CRTC3: variants seen among roughly 807,000 people sequenced by gnomAD.
The protein encoded by CRTC3 is CREB regulated transcription coactivator 3, also known as CREB-regulated transcription coactivator 3.
In CRTC3, 26 loss-of-function variants were observed where a neutral mutation model predicts 74.5. The observed-to-expected ratio is 0.35, with a 90% CI of 0.26 to 0.48. CRTC3 has a LOEUF of 0.48. CRTC3 is among the 20% of genes least tolerant of loss of function. The pLI, the probability that CRTC3 is intolerant of heterozygous loss-of-function variation, is 0.99. For synonymous variants in CRTC3, 377 were observed against 325.8 expected (o/e 1.16, Z -1.69); for missense variants, 760 against 787.3 (o/e 0.97, Z 0.41).
chr15:90,560,284 G>A (rs1050641110), intron 2 of CRTC3, among the ~76,000 whole-genome samples: 7 of 152,162 alleles, frequency 4.6e-5, no homozygotes, highest in Admixed American at 3.3e-4. Flanking sequence ...TCCAGTTTAC[G>A]TCACTGATGA....
At chr15:90,619,854 G>C in intron 9 of CRTC3, 64 bp downstream of exon 9, 1 of 1,372,548 alleles carries the variant, frequency 7.3e-7, no homozygotes, top group East Asian at 2.3e-5. Flanking sequence ...CAAAAGTCTC[G>C]CTGCTTTGTT....
chr15:90,590,485 C>G (rs1255615175), intron 2 of CRTC3, among the ~76,000 whole-genome samples: 1 of 151,904 alleles, frequency 6.6e-6, no homozygotes, highest in Non-Finnish European at 1.5e-5. Flanking sequence ...ACTGCAACCT[C>G]TGCCACCTGA....
chr15:90,589,130 C>A (rs1967738272), intron 2 of CRTC3, among the ~76,000 whole-genome samples: 1 of 151,908 alleles, frequency 6.6e-6, no homozygotes, highest in Admixed American at 6.6e-5. Flanking sequence ...GATCTCAGCT[C>A]ACTGCAACCT....
chr15:90,536,805 G>A (rs1414880886), intron 1 of CRTC3, among the ~76,000 whole-genome samples: 1 of 152,220 alleles, frequency 6.6e-6, no homozygotes, highest in Admixed American at 6.5e-5. Flanking sequence ...CATCGTGAAG[G>A]GATAATAGGG....
Position 90,590,147 on chromosome 15 carries a change from G to C in CRTC3, c.232-3489G>C, listed in dbSNP as rs145389500. 7.6e-3 allele frequency among the ~76,000 whole-genome samples: 1,156 copies of C among 151,800 alleles called. 42 individuals are homozygous for C. The East Asian group carries it at 0.11, about 15-fold the overall frequency. On this transcript the variant is annotated intron_variant, in intron 2 of 14. Transcript: ENST00000268184. ...CTCTACTAAAAATACAAAAAAATTA[G>C]CCGGGAGTGGTGGCATGTTCCTGTA...
rs1968948780 is a variant in CRTC3, at chr15:90,629,267, A to C, written c.1001A>C (p.Gln334Pro). 6.2e-7 allele frequency: 1 copy of C among 1,614,046 alleles called. No individual in the cohort carries two copies. The highest frequency in any genetic ancestry group is 8.5e-7 in the Non-Finnish European group (1 of 1,180,016). ...LQSSRSNPSI[Q>P]ATLNKTVLSS... ...AGTTCTCGGAGTAACCCCTCCATCC[A>C]AGCCACGCTCAATAAGACTGTGCTT... Residue 334 changes from glutamine (Q) to proline (P), a missense_variant, in exon 11 of 15, where the codon CAA becomes CCA. By Grantham distance (76) the Gln-to-Pro change is moderately conservative (BLOSUM62 -1). Around this residue, in one of 2 missense-constraint regions of CRTC3, gnomAD observed 652 missense variants for 635.2 expected, o/e 1.03. Coordinates refer to ENST00000268184, the MANE Select transcript of CRTC3 (RefSeq NM_022769.5).
rs988964162 is a variant in CRTC3 at position 90,607,353 on chromosome 15, C to T, written c.477-25C>T. The T allele has an allele frequency of 4.2e-6, 6 of 1,429,624 alleles. No individual in the cohort carries two copies. In the African/African-American group the frequency reaches 4.3e-5, roughly 10 times the overall value. The allele number at this position is 1,429,624 out of a possible 1,614,324, so 88.6% of individuals were successfully genotyped here. A position where few individuals can be genotyped will look rare whatever the true frequency, so the allele number is the denominator to read the frequency against. ...TTCACTAAGGAAAACGGATTTTCAG[C>T]CAGCCTCTCTCCTCCCCTCCTTAGG... On this transcript the variant is annotated intron_variant, in intron 5 of 14. Transcript: ENST00000268184.
intron 13 of CRTC3, 193 bp from the exon 14 acceptor site, chr15:90,640,904 C>T (rs367936220): frequency 9.7e-5 from 56 of 579,500 alleles, no homozygotes; most frequent in African/African-American, 5.6e-4. Flanking sequence ...CCCTCCTCCA[C>T]CCCAGCGTCT....
intron 2 of CRTC3, among the ~76,000 whole-genome samples, chr15:90,562,244 GAGA>G (rs1361923869): frequency 2.0e-5 from 3 of 152,190 alleles, no homozygotes; most frequent in Admixed American, 6.5e-5. Context: ...GAGTGGTGAG[GAGA>G]AGAACACGAA....
rs549489513 is a variant in CRTC3 at position 90,546,181 on chromosome 15, C to T, written c.231+6044C>T. ...TTCTCTATTAGTTTTATAGCTCTGT[C>T]TTTTACACTTAAGTAAATTATGAGT... On this transcript the variant is annotated intron_variant, in intron 2 of 14. Coordinates refer to ENST00000268184, the MANE Select transcript of CRTC3 (RefSeq NM_022769.5). Among the ~76,000 whole-genome samples, 6 of 152,096 alleles carry T rather than the reference C, an allele frequency of 3.9e-5. No individual in the cohort carries two copies. In the South Asian group the frequency reaches 1.0e-3, roughly 26 times the overall value.
chr15:90,593,021 C>T (rs1016994358), intron 2 of CRTC3, among the ~76,000 whole-genome samples: 1 of 151,968 alleles, frequency 6.6e-6, no homozygotes. Flanking sequence ...GGCGTGGTGG[C>T]GCACATCTGT....
chr15:90,641,997 C>G lies in CRTC3; in HGVS notation c.1717C>G (p.Leu573Val). The G allele has an allele frequency of 6.2e-7, 1 of 1,613,904 alleles. No individual in the cohort carries two copies. The highest frequency in any genetic ancestry group is 8.5e-7 in the Non-Finnish European group (1 of 1,179,990). ...SALAGLPEVS[L>V]NVDTPFPLEE... ...GCTGGCAGGCCTGCCTGAGGTCAGC[C>G]TGAACGTGGACACTCCATTTCCACT... The change falls in exon 15 of 15, where the codon CTG (leucine) becomes GTG (valine). Residue 573 changes from leucine to valine, a missense_variant. Around this residue, in one of 2 missense-constraint regions of CRTC3, gnomAD observed 652 missense variants for 635.2 expected, o/e 1.03. Coordinates refer to ENST00000268184, the MANE Select transcript of CRTC3 (RefSeq NM_022769.5).
intron 2 of CRTC3, among the ~76,000 whole-genome samples, chr15:90,566,870 C>G (rs1274712783): frequency 2.6e-5 from 4 of 151,960 alleles, no homozygotes; most frequent in African/African-American, 9.7e-5. Flanking sequence ...GCCACCACAC[C>G]TGGCTAATTT....
In CRTC3 at chr15:90,638,851, C is replaced by T. The variant is rs762024861; in HGVS notation, c.1548+36C>T. On this transcript the variant is annotated intron_variant, in intron 13 of 14. Transcript: ENST00000268184. ...GCCCCTGCCTTCTCCTCCCTTGGTG[C>T]ATAAACTGTACCATTTAGGTTGTTC... 4.6e-6 allele frequency: 7 copies of T among 1,521,796 alleles called. No individual in the cohort carries two copies. In the South Asian group the frequency reaches 5.6e-5, roughly 12 times the overall value. The allele number at this position is 1,521,796 out of a possible 1,614,324, so 94.3% of individuals were successfully genotyped here. A position where few individuals can be genotyped will look rare whatever the true frequency, so the allele number is the denominator to read the frequency against.
intron 1 of CRTC3, among the ~76,000 whole-genome samples, chr15:90,539,335 A>G (rs1048956243): frequency 6.6e-6 from 1 of 152,198 alleles, no homozygotes; most frequent in Non-Finnish European, 1.5e-5. Flanking sequence ...TTTTATACCT[A>G]TTGAATTGAC....
At chr15:90,632,745 C>CA (rs1355137273) in intron 11 of CRTC3, among the ~76,000 whole-genome samples, 1 of 152,210 alleles carries the variant, frequency 6.6e-6, no homozygotes, top group Non-Finnish European at 1.5e-5. Flanking sequence ...GCTGGGACTA[C>CA]AGGCATGTGC....
chr15:90,555,968 A>T (rs1241118934), intron 2 of CRTC3, among the ~76,000 whole-genome samples: 1 of 152,340 alleles, frequency 6.6e-6, no homozygotes. Context: ...AAACATTAAA[A>T]AGGAACAGAA....
intron 11 of CRTC3, chr15:90,638,057 G>A (rs1356589625): frequency 5.1e-6 from 1 of 195,252 alleles, no homozygotes; most frequent in East Asian, 1.4e-4. Context: ...GCTTGTTAAT[G>A]TTGTAGTGTC....
chr15:90,579,633 A>ATTTTTT (rs1567172299), intron 2 of CRTC3, among the ~76,000 whole-genome samples: 3 of 106,770 alleles, frequency 2.8e-5, no homozygotes, highest in African/African-American at 1.3e-4. Flanking sequence ...AACGTATTTC[A>ATTTTTT]CTTTTTTTTT....
Sources: gnomAD v4.1 joint callset for allele counts (sites outside exome capture counted in the v4.1 genomes callset) on GRCh38, gnomAD v4.1.1 for gene constraint, gnomAD v4.1.1 regional missense constraint, MANE v1.5 for transcripts, NCBI Gene and HGNC (gene_info 2026-07-23, HGNC 2026-07-21) for gene names.